The following PGM1 variants were observed in gnomAD, a reference collection of about 807,000 sequenced individuals.
PGM1 encodes phosphoglucomutase-1.
In PGM1, 52 loss-of-function variants were observed where a neutral mutation model predicts 55.6. That is an observed-to-expected ratio of 0.94 (90% CI 0.75 to 1.18). The LOEUF (loss-of-function observed/expected upper bound fraction) is 1.18. PGM1 is among the 50% of genes most tolerant of loss of function. The pLI is 0.00. For synonymous variants in PGM1, 287 were observed against 271.7 expected, an observed-to-expected ratio of 1.06 and a Z score of -0.55; for missense variants, 724 against 729.3, an observed-to-expected ratio of 0.99 and a Z score of 0.08.
chr1:63,647,102 G>A (rs1649664638), intron 7 of PGM1, among the ~76,000 whole-genome samples: 1 of 151,616 alleles, frequency 6.6e-6, no homozygotes, highest in Non-Finnish European at 1.5e-5. Flanking sequence ...AATTAGCTGA[G>A]CATGGTGGCG....
chr1:63,597,574 G>T (rs1479048334), intron 1 of PGM1, among the ~76,000 whole-genome samples: 1 of 152,194 alleles, frequency 6.6e-6, no homozygotes, highest in East Asian at 1.9e-4. Flanking sequence ...TTCCGTGTTA[G>T]TCAGAGCCCA....
intron 8 of PGM1, among the ~76,000 whole-genome samples, chr1:63,650,915 A>T (rs947401634): frequency 5.4e-5 from 8 of 148,978 alleles, no homozygotes; most frequent in African/African-American, 9.8e-5. Context: ...AACAAAATTT[A>T]AAAAAAAAAA....
intron 1 of PGM1, among the ~76,000 whole-genome samples, chr1:63,610,451 A>T (rs12040963): frequency 0.18 from 27,386 of 152,208 alleles, 2,812 homozygotes; most frequent in South Asian, 0.22. Context: ...TTATGTTAAA[A>T]TTTATGTTAA....
chr1:63,634,129 A>G (rs1649296966), intron 4 of PGM1, among the ~76,000 whole-genome samples: 1 of 150,958 alleles, frequency 6.6e-6, no homozygotes, highest in Admixed American at 6.6e-5. Context: ...TCATAATATA[A>G]AGATAACAGC....
intron 1 of PGM1, among the ~76,000 whole-genome samples, chr1:63,617,006 G>A (rs1054251093): frequency 2.6e-5 from 4 of 152,306 alleles, no homozygotes; most frequent in Middle Eastern, 3.4e-3. Flanking sequence ...CTGGTGCTAA[G>A]CTCTTTACAT....
At chr1:63,641,932 C>T (rs1160567151) in intron 7 of PGM1, among the ~76,000 whole-genome samples, 1 of 152,164 alleles carries the variant, frequency 6.6e-6, no homozygotes, top group East Asian at 1.9e-4. Flanking sequence ...AAAGAAAGAA[C>T]TTTAAAAGGT....
chr1:63,595,161 C>T (rs1023869531), intron 1 of PGM1, among the ~76,000 whole-genome samples: 1 of 152,086 alleles, frequency 6.6e-6, no homozygotes, highest in Non-Finnish European at 1.5e-5. Context: ...CTTTATTTAT[C>T]TTATTTTGTT....
At chr1:63,658,309 C>T (rs1650018693) in intron 10 of PGM1, among the ~76,000 whole-genome samples, 1 of 148,602 alleles carries the variant, frequency 6.7e-6, no homozygotes. Context: ...TATCAGTTTT[C>T]TCATCTGTAA....
intron 1 of PGM1, among the ~76,000 whole-genome samples, chr1:63,627,950 G>A (rs924881361): frequency 2.6e-5 from 4 of 152,162 alleles, no homozygotes; most frequent in African/African-American, 7.2e-5. Flanking sequence ...CTAATGTGCT[G>A]TGTGGCCTTG....
chr1:63,626,161 T>C lies in PGM1; in HGVS notation c.247-3264T>C, dbSNP rs558175310. On this transcript the variant is annotated intron_variant, in intron 1 of 10. Coordinates refer to ENST00000371084, the MANE Select transcript of PGM1 (RefSeq NM_002633.3). ...AGGCCATTTGAGGATGGACTCTTAG[T>C]GCCTGGCTGAGGGGGTTATCTCTAA... Among the ~76,000 whole-genome samples the C allele has an allele frequency of 3.3e-5, 5 of 152,280 alleles. No individual in the cohort carries two copies. The South Asian group carries it at 1.0e-3, about 32-fold the overall frequency.
chr1:63,636,722 G>A (rs1017984159), intron 6 of PGM1, among the ~76,000 whole-genome samples: 8 of 152,160 alleles, frequency 5.3e-5, no homozygotes, highest in Non-Finnish European at 1.2e-4. Context: ...ACCATAGCGT[G>A]CCTGGCACAT....
Position 63,648,833 on chromosome 1 carries a change from G to A in PGM1, c.1280+181G>A, listed in dbSNP as rs143517801. Among the ~76,000 whole-genome samples, 937 of 152,292 alleles carry A rather than the reference G, an allele frequency of 6.2e-3. 5 individuals are homozygous for A. The highest frequency in any genetic ancestry group is 9.8e-3 in the Non-Finnish European group (667 of 68,024). Reference sequence around the variant, plus strand: ...TGAAATGAAGTCAATTTTTATGTCAGCCATAAAGAGTGAGGCTTTAAAAGT... The same window carrying A: ...TGAAATGAAGTCAATTTTTATGTCAACCATAAAGAGTGAGGCTTTAAAAGT... On this transcript the variant is annotated intron_variant, in intron 8 of 10. Coordinates refer to ENST00000371084, the MANE Select transcript of PGM1 (RefSeq NM_002633.3).
chr1:63,633,716 G>T (rs185896701), intron 4 of PGM1, among the ~76,000 whole-genome samples: 2 of 150,566 alleles, frequency 1.3e-5, no homozygotes, highest in African/African-American at 4.9e-5. Flanking sequence ...TGCCCAGGCT[G>T]GAGTGCAGTG....
intron 7 of PGM1, 98 bp from the exon 8 acceptor site, chr1:63,648,419 A>C: frequency 7.5e-7 from 1 of 1,331,396 alleles, no homozygotes; most frequent in African/African-American, 1.5e-5. Context: ...CCTCAACATG[A>C]GATTTGGGTG....
At chr1:63,656,054 AGAAAAG>A (rs1013134047) in intron 10 of PGM1, 2 of 152,258 alleles carry the variant, frequency 1.3e-5, no homozygotes, top group Non-Finnish European at 2.9e-5. Flanking sequence ...CTCTAAAAAA[AGAAAAG>A]GAAAGAAAAA....
rs775862619 is a variant in PGM1, at chr1:63,593,500, C to A, written c.12C>A (p.Ile4=). 89 of 1,613,646 alleles carry A rather than the reference C, an allele frequency of 5.5e-5. No individual in the cohort carries two copies. The highest frequency in any genetic ancestry group is 7.3e-5 in the Non-Finnish European group (86 of 1,179,922). MVK[I]VTVKTQAYQD... ...AGCAAGTCGCCACCATGGTGAAGATCGTGACAGTTAAGACCCAGGCGTACC... is the reference window on the plus strand; with the variant it reads ...AGCAAGTCGCCACCATGGTGAAGATAGTGACAGTTAAGACCCAGGCGTACC... The change falls in exon 1 of 11, where the codon ATC becomes ATA. Residue 4 remains isoleucine (I), a synonymous_variant. Transcript: ENST00000371084.
intron 1 of PGM1, 41 bp from the exon 2 acceptor site, chr1:63,629,384 G>A (rs747304501): frequency 1.9e-6 from 3 of 1,568,920 alleles, no homozygotes; most frequent in Non-Finnish European, 2.6e-6. Flanking sequence ...GACTCTGGAT[G>A]TATTGATGTT....
chr1:63,617,789 G>A (rs1188049668), intron 1 of PGM1, among the ~76,000 whole-genome samples: 2 of 145,492 alleles, frequency 1.4e-5, no homozygotes, highest in Non-Finnish European at 3.0e-5. Context: ...CCCAGGCAGC[G>A]TCTCCTGGTT....
chr1:63,651,594 A>G, intron 8 of PGM1, 75 bp from the exon 9 acceptor site: 2 of 1,396,370 alleles, frequency 1.4e-6, no homozygotes, highest in Non-Finnish European at 2.0e-6. Context: ...ACAAATGATG[A>G]AGAAAGTGCT....
Sources: gnomAD v4.1 joint callset for allele counts (sites outside exome capture counted in the v4.1 genomes callset) on GRCh38, gnomAD v4.1.1 for gene constraint, MANE v1.5 for transcripts, NCBI Gene and HGNC (gene_info 2026-07-23, HGNC 2026-07-21) for gene names.